Variants in ZBTB20 observed in about 807,000 individuals in gnomAD.
ZBTB20 encodes zinc finger and BTB domain-containing protein 20.
A neutral mutation model predicts 56.9 loss-of-function variants in ZBTB20; 9 were observed. The ratio of observed to expected loss-of-function variants is 0.16; its 90% CI spans 0.10 to 0.28. The LOEUF (loss-of-function observed/expected upper bound fraction) is 0.28. ZBTB20 is among the 10% of genes least tolerant of loss of function. The pLI is 1.00. For synonymous variants in ZBTB20, 417 were observed against 420.7 expected (o/e 0.99, Z 0.11); for missense variants, 655 against 1,003.0 (o/e 0.65, Z 4.69).
chr3:114,401,155 G>A (rs1056984164), intron 7 of ZBTB20, among the ~76,000 whole-genome samples: 6 of 148,968 alleles, frequency 4.0e-5, no homozygotes, highest in African/African-American at 1.0e-4. Context: ...GAGACAGACA[G>A]GGAGGAGACA....
chr3:114,928,536 G>C (rs925651662), intron 3 of ZBTB20, among the ~76,000 whole-genome samples: 2 of 152,100 alleles, frequency 1.3e-5, no homozygotes, highest in Admixed American at 1.3e-4. Flanking sequence ...CAGATCTCAG[G>C]CCCAAAGAAA....
At chr3:114,730,952 G>T (rs1165142486) in intron 5 of ZBTB20, among the ~76,000 whole-genome samples, 3 of 152,140 alleles carry the variant, frequency 2.0e-5, no homozygotes, top group Non-Finnish European at 2.9e-5. Flanking sequence ...GCATAACTGA[G>T]ATTTAATCTA....
intron 6 of ZBTB20, among the ~76,000 whole-genome samples, chr3:114,644,350 C>T (rs1231373091): frequency 6.6e-6 from 1 of 152,080 alleles, no homozygotes; most frequent in Non-Finnish European, 1.5e-5. Context: ...GAGAGAAGAA[C>T]AAATTTGCCA....
rs1272773206 is a variant in ZBTB20, at chr3:114,321,737, C to T, written c.*17268G>A. 6.6e-6 allele frequency: 1 copy of T among 152,152 alleles called. No individual in the cohort carries two copies. Among genetic ancestry groups the T allele is most frequent in the Non-Finnish European group, 1.5e-5 (1 of 68,026 alleles). The allele number at this position is 152,152 out of a possible 1,614,324, so 9.4% of individuals were successfully genotyped here. A position where few individuals can be genotyped will look rare whatever the true frequency, so the allele number is the denominator to read the frequency against. ...TTGGTTTCTTTTAACTTTGAGCTGT[C>T]CTTGGTTTTTCTCTCAGTCAGTTGC... On this transcript the variant is annotated 3_prime_UTR_variant, in exon 12 of 12. Coordinates refer to ENST00000675478, the MANE Select transcript of ZBTB20 (RefSeq NM_001348800.3).
At chr3:114,622,909 T>C (rs2058417345) in intron 6 of ZBTB20, among the ~76,000 whole-genome samples, 1 of 152,142 alleles carries the variant, frequency 6.6e-6, no homozygotes, top group Admixed American at 6.6e-5. Flanking sequence ...TAGGCTGGGT[T>C]GTGATTCCTG....
At chr3:115,018,542 C>G (rs559564236) in intron 2 of ZBTB20, among the ~76,000 whole-genome samples, 4 of 151,156 alleles carry the variant, frequency 2.6e-5, no homozygotes, top group African/African-American at 9.7e-5. Flanking sequence ...TTAACTATGG[C>G]AATTAGCACC....
intron 6 of ZBTB20, among the ~76,000 whole-genome samples, chr3:114,510,479 A>C (rs1018562631): frequency 2.0e-5 from 3 of 151,710 alleles, no homozygotes; most frequent in Non-Finnish European, 4.4e-5. Context: ...CCACAGAGCT[A>C]ATTAACCCCA....
chr3:114,868,999 A>T (rs1443746499), intron 4 of ZBTB20, among the ~76,000 whole-genome samples: 1 of 152,152 alleles, frequency 6.6e-6, no homozygotes, highest in African/African-American at 2.4e-5. Context: ...TAAAGACCTT[A>T]TGAATCTTCC....
chr3:114,698,162 C>G (rs1246792517), intron 5 of ZBTB20, among the ~76,000 whole-genome samples: 1 of 152,094 alleles, frequency 6.6e-6, no homozygotes, highest in East Asian at 1.9e-4. Context: ...GGAATGTCAT[C>G]AGGGTAAAGA....
intron 1 of ZBTB20, among the ~76,000 whole-genome samples, chr3:115,092,354 T>C (rs2083229346): frequency 6.6e-6 from 1 of 152,124 alleles, no homozygotes; most frequent in Non-Finnish European, 1.5e-5. Context: ...TTCAGGGTCC[T>C]TTCTAAATGG....
At chr3:114,567,581 C>T (rs1032587773) in intron 6 of ZBTB20, among the ~76,000 whole-genome samples, 2 of 152,154 alleles carry the variant, frequency 1.3e-5, no homozygotes, top group African/African-American at 4.8e-5. Flanking sequence ...TCCATTCTGA[C>T]TTATCCTGGC....
At chr3:114,617,909 A>G (rs1420067423) in intron 6 of ZBTB20, among the ~76,000 whole-genome samples, 5 of 151,836 alleles carry the variant, frequency 3.3e-5, no homozygotes, top group Non-Finnish European at 7.4e-5. Context: ...CACCCTATTT[A>G]AAATTGCAAA....
chr3:114,427,760 T>G (rs535966923), intron 7 of ZBTB20, among the ~76,000 whole-genome samples: 1 of 152,360 alleles, frequency 6.6e-6, no homozygotes, highest in Admixed American at 6.5e-5. Context: ...ATGTATCGTG[T>G]AATAAGAAAT....
chr3:114,743,927 C>G (rs1355008520), intron 5 of ZBTB20: 1 of 152,118 alleles, frequency 6.6e-6, no homozygotes, highest in Admixed American at 6.5e-5. Context: ...TTCTGAATTT[C>G]ACTTTGAATG....
intron 2 of ZBTB20, among the ~76,000 whole-genome samples, chr3:115,011,249 T>C (rs1484980179): frequency 6.6e-6 from 1 of 151,892 alleles, no homozygotes. Context: ...GAAGGAATAA[T>C]AACAGAGAAC....
chr3:114,585,550 A>C (rs987933775), intron 6 of ZBTB20, among the ~76,000 whole-genome samples: 2 of 152,208 alleles, frequency 1.3e-5, no homozygotes, highest in Non-Finnish European at 2.9e-5. Flanking sequence ...CTGCAAGAAC[A>C]ATCTTTGAAA....
intron 4 of ZBTB20, among the ~76,000 whole-genome samples, chr3:114,882,415 A>G (rs2076432006): frequency 6.6e-6 from 1 of 152,042 alleles, no homozygotes. Flanking sequence ...TTTTAATTAT[A>G]TAAACATATC....
At chr3:114,974,326 G>A (rs1418382090) in intron 3 of ZBTB20, 40 bp downstream of exon 3, 2 of 152,006 alleles carry the variant, frequency 1.3e-5, no homozygotes, top group East Asian at 3.9e-4. Context: ...GACAATTCAA[G>A]AAGATAAAGC....
chr3:115,111,492 A>C (rs994553265), intron 1 of ZBTB20, among the ~76,000 whole-genome samples: 1 of 152,046 alleles, frequency 6.6e-6, no homozygotes, highest in Admixed American at 6.5e-5. Flanking sequence ...ACTTTTGTCT[A>C]AAGTAATTAA....
Sources: gnomAD v4.1 joint callset for allele counts (sites outside exome capture counted in the v4.1 genomes callset) on GRCh38, gnomAD v4.1.1 for gene constraint, MANE v1.5 for transcripts, NCBI Gene and HGNC (gene_info 2026-07-23, HGNC 2026-07-21) for gene names.